The following CHRDL1 variants were observed in gnomAD, a reference collection of about 807,000 sequenced individuals.
CHRDL1 encodes chordin-like protein 1.
A neutral mutation model predicts 40.9 loss-of-function variants in CHRDL1; 19 were observed. That is an observed-to-expected ratio of 0.46 (90% CI 0.32 to 0.68). The LOEUF (loss-of-function observed/expected upper bound fraction) is 0.68. CHRDL1 is among the 30% of genes least tolerant of loss of function. The probability of loss-of-function intolerance (pLI) is 0.03; values close to 1 mark genes in which losing one functional copy is unlikely to be tolerated. For missense variants in CHRDL1, 329 were observed against 352.1 expected (o/e 0.93, Z 0.53); for synonymous variants, 136 against 123.4 (o/e 1.10, Z -0.68).
rs185674974 is a variant in CHRDL1 at position 110,765,318 on chromosome X, G to A, written c.95-2511C>T. The stretch of plus-strand genomic sequence containing the variant: ...TACTCTTTCTCTTTATTTCTTAGCC[G>A]GTTGACATTTATGGAAAATAGAAAG... On this transcript the variant is annotated intron_variant, in intron 2 of 11. Transcript: ENST00000372042. Among the ~76,000 whole-genome samples the A allele has an allele frequency of 3.1e-3, 342 of 111,764 alleles. 1 individual carries two copies. The highest frequency in any genetic ancestry group is 4.9e-3 in the Non-Finnish European group (258 of 53,133).
intron 6 of CHRDL1, among the ~76,000 whole-genome samples, chrX:110,704,225 C>T (rs2148445369): frequency 9.0e-6 from 1 of 111,519 alleles, no homozygotes; most frequent in East Asian, 2.8e-4. Flanking sequence ...TGTATCAAAA[C>T]ATATCATGTA....
chrX:110,777,167 G>A (rs1463454792), intron 2 of CHRDL1, among the ~76,000 whole-genome samples: 1 of 110,948 alleles, frequency 9.0e-6, no homozygotes, highest in Non-Finnish European at 1.9e-5. Flanking sequence ...GTTTCTTCAT[G>A]GCTTGATAGC....
chrX:110,689,572 C>CTATATCTCTATATATCTATATATCTA lies in CHRDL1; in HGVS notation c.779-770_779-769insTAGATATATAGATATATAGAGATATA, dbSNP rs2070141751. 8.9e-4 allele frequency among the ~76,000 whole-genome samples: 3 copies of CTATATCTCTATATATCTATATATCTA among 3,371 alleles called. 1 individual carries two copies. Among genetic ancestry groups the CTATATCTCTATATATCTATATATCTA allele is most frequent in the Non-Finnish European group, 1.4e-3 (3 of 2,140 alleles). The allele number at this position is 3,371 out of a possible 115,157, so 2.9% of individuals were successfully genotyped here. A position where few individuals can be genotyped will look rare whatever the true frequency, so the allele number is the denominator to read the frequency against. On this transcript the variant is annotated intron_variant, in intron 8 of 11. Transcript: ENST00000372042. ...TATATATCTATATATCTATATATAT[C>CTATATCTCTATATATCTATATATCTA]TATATATCTATATATCTATATATCT... is the stretch of plus-strand genomic sequence containing the variant.
chrX:110,700,599 G>C (rs1347347044), intron 7 of CHRDL1, 55 bp downstream of exon 7: 5 of 817,375 alleles, frequency 6.1e-6, no homozygotes, highest in Non-Finnish European at 9.2e-6. Flanking sequence ...ACGAGGAGAG[G>C]AAAGCTTGGC....
intron 2 of CHRDL1, among the ~76,000 whole-genome samples, chrX:110,773,703 G>T (rs1272972078): frequency 1.0e-5 from 1 of 100,260 alleles, no homozygotes; most frequent in Admixed American, 1.1e-4. Context: ...ACTCCACCCT[G>T]GGCGACAGTG....
At chrX:110,753,798 C>A (rs2089403242) in intron 4 of CHRDL1, among the ~76,000 whole-genome samples, 1 of 111,513 alleles carries the variant, frequency 9.0e-6, no homozygotes, top group Admixed American at 9.5e-5. Flanking sequence ...AAAGCAGATT[C>A]AGAGTAAACA....
chrX:110,717,863 T>C (rs977623547), intron 6 of CHRDL1, among the ~76,000 whole-genome samples: 6 of 111,933 alleles, frequency 5.4e-5, no homozygotes. Flanking sequence ...ATAATTTTTT[T>C]CCTCTAACTC....
At chrX:110,746,662 T>C (rs1285908310) in intron 4 of CHRDL1, among the ~76,000 whole-genome samples, 1 of 111,467 alleles carries the variant, frequency 9.0e-6, no homozygotes, top group African/African-American at 3.3e-5. Context: ...ATCTTTTCCC[T>C]GAGGCTGGAG....
chrX:110,693,356 A>G (rs1421385432), intron 8 of CHRDL1, among the ~76,000 whole-genome samples: 1 of 110,753 alleles, frequency 9.0e-6, no homozygotes, highest in Non-Finnish European at 1.9e-5. Flanking sequence ...TTCCTTTTTA[A>G]AATTTTTAAT....
intron 10 of CHRDL1, 63 bp from the exon 11 acceptor site, chrX:110,679,488 T>A: frequency 1.3e-6 from 1 of 749,336 alleles, no homozygotes; most frequent in Non-Finnish European, 2.1e-6. Context: ...TCAACTCCTT[T>A]TTTTCTGCTC....
At chrX:110,766,869 C>CAAAAA (rs2089671083) in intron 2 of CHRDL1, among the ~76,000 whole-genome samples, 1 of 111,464 alleles carries the variant, frequency 9.0e-6, no homozygotes. Flanking sequence ...ACACCAAAAC[C>CAAAAA]AGGAAAGGCC....
chrX:110,700,843 T>C (rs918695947), intron 6 of CHRDL1, 122 bp from the exon 7 acceptor site: 30 of 460,592 alleles, frequency 6.5e-5, no homozygotes, highest in Non-Finnish European at 1.1e-4. Flanking sequence ...TTTTTGCTTT[T>C]GTGGCTGTCC....
chrX:110,792,904 AATAG>A (rs2090124923), intron 1 of CHRDL1, among the ~76,000 whole-genome samples: 1 of 112,536 alleles, frequency 8.9e-6, no homozygotes, highest in Non-Finnish European at 1.9e-5. Context: ...GGGCAAATTA[AATAG>A]ATAATTTGTT....
At position 110,703,938 on chromosome X, in the gene CHRDL1, T is replaced by TA. The variant is rs2070569952; in HGVS notation, c.542-3218dup. The stretch of plus-strand genomic sequence containing the variant: ...CTTCAGATATGAAAACAAGAGAAAT[T>TA]ACGCTGGTAATTGAACTTGTAGAGA... On this transcript the variant is annotated intron_variant, in intron 6 of 11. Coordinates refer to ENST00000372042, the MANE Select transcript of CHRDL1 (RefSeq NM_001143981.2). Among the ~76,000 whole-genome samples, 3 of 110,556 alleles carry TA rather than the reference T, an allele frequency of 2.7e-5. No homozygotes were observed. In the Admixed American group the frequency reaches 2.9e-4, roughly 11 times the overall value.
chrX:110,761,279 C>T (rs746757009), intron 3 of CHRDL1, among the ~76,000 whole-genome samples: 7 of 111,650 alleles, frequency 6.3e-5, no homozygotes, highest in African/African-American at 2.0e-4. Flanking sequence ...ATTCTAGAAC[C>T]TCATAGCCTC....
chrX:110,676,118 A>T lies in CHRDL1; in HGVS notation c.*113T>A. 1 of 752,940 alleles carries T rather than the reference A, an allele frequency of 1.3e-6. No homozygotes were observed. Among genetic ancestry groups the T allele is most frequent in the Non-Finnish European group, 1.9e-6 (1 of 517,204 alleles). 62.1% of individuals were successfully genotyped at this position (752,940 alleles called of 1,213,427 possible). A position where few individuals can be genotyped will look rare whatever the true frequency, so the allele number is the denominator to read the frequency against. On this transcript the variant is annotated 3_prime_UTR_variant, in exon 12 of 12. Transcript: ENST00000372042. The stretch of plus-strand genomic sequence containing the variant: ...ATGCTGTGCATGGCGTGAATAATTG[A>T]CTGCATTTGAGTTTGGAGTTTTAGG...
At chrX:110,695,799 C>A (rs1021739579) in intron 7 of CHRDL1, among the ~76,000 whole-genome samples, 4 of 111,806 alleles carry the variant, frequency 3.6e-5, no homozygotes, top group Non-Finnish European at 7.5e-5. Context: ...CAGGAAGGGG[C>A]CACTGGTAGG....
At chrX:110,676,829 T>C (rs769918700) in intron 11 of CHRDL1, among the ~76,000 whole-genome samples, 1 of 110,808 alleles carries the variant, frequency 9.0e-6, no homozygotes, top group Non-Finnish European at 1.9e-5. Flanking sequence ...TGATTACTAT[T>C]TGATTATATA....
At chrX:110,764,947 C>T (rs1048791721) in intron 2 of CHRDL1, among the ~76,000 whole-genome samples, 9 of 111,268 alleles carry the variant, frequency 8.1e-5, no homozygotes, top group African/African-American at 2.9e-4. Context: ...TGCTCTCGAA[C>T]CCTGTTTTCT....
Sources: gnomAD v4.1 joint callset for allele counts (sites outside exome capture counted in the v4.1 genomes callset) on GRCh38, gnomAD v4.1.1 for gene constraint, MANE v1.5 for transcripts, NCBI Gene and HGNC (gene_info 2026-07-23, HGNC 2026-07-21) for gene names.